AP3B1: variants seen among roughly 807,000 people sequenced by gnomAD.
AP3B1 encodes the protein adaptor related protein complex 3 subunit beta 1.
AP3B1 carries 61 observed loss-of-function variants against 132.5 expected under a neutral mutation model. That is an observed-to-expected ratio of 0.46 (90% CI 0.37 to 0.57). The LOEUF (loss-of-function observed/expected upper bound fraction) is 0.57, where lower values mean the gene tolerates loss of function less well. Among genes scored for constraint, AP3B1 ranks in the 20% least tolerant of loss-of-function variants. The pLI is 0.00. For synonymous variants in AP3B1, 388 were observed against 438.3 expected, an observed-to-expected ratio of 0.89 and a Z score of 1.43; for missense variants, 1,120 against 1,289.4, an observed-to-expected ratio of 0.87 and a Z score of 2.01.
intron 22 of AP3B1, among the ~76,000 whole-genome samples, chr5:78,046,715 T>TTA (rs1554060320): frequency 6.6e-6 from 1 of 151,876 alleles, no homozygotes; most frequent in Admixed American, 6.6e-5. Context: ...TTTTTTTTTT[T>TTA]AAAATACTTT....
At chr5:78,292,942 G>A (rs745851263) in intron 1 of AP3B1, among the ~76,000 whole-genome samples, 2 of 151,810 alleles carry the variant, frequency 1.3e-5, no homozygotes, top group Non-Finnish European at 2.9e-5. Context: ...GCTGTGGCGC[G>A]ATCTCGGCTC....
chr5:78,249,009 G>T (rs1747505212), intron 2 of AP3B1, among the ~76,000 whole-genome samples: 1 of 152,090 alleles, frequency 6.6e-6, no homozygotes, highest in African/African-American at 2.4e-5. Context: ...TTTATGCGTG[G>T]TTTTCTTTTA....
At chr5:78,273,812 A>G (rs945854864) in intron 1 of AP3B1, among the ~76,000 whole-genome samples, 7 of 152,048 alleles carry the variant, frequency 4.6e-5, no homozygotes, top group African/African-American at 1.7e-4. Context: ...AGACCTTAAA[A>G]AGTCTAAAAC....
chr5:78,103,504 A>G (rs1751210867), intron 20 of AP3B1, among the ~76,000 whole-genome samples: 1 of 152,168 alleles, frequency 6.6e-6, no homozygotes, highest in South Asian at 2.1e-4. Context: ...TCATCGACAA[A>G]CCAAACACAT....
intron 8 of AP3B1, among the ~76,000 whole-genome samples, chr5:78,178,810 G>C (rs77693428): frequency 0.014 from 2,147 of 152,084 alleles, 58 homozygotes; most frequent in African/African-American, 0.049. Context: ...GGTCTATGAA[G>C]TTTGAACAAA....
intron 7 of AP3B1, among the ~76,000 whole-genome samples, chr5:78,198,883 A>G (rs1350586636): frequency 6.6e-6 from 1 of 152,224 alleles, no homozygotes; most frequent in Non-Finnish European, 1.5e-5. Context: ...AAAACTTTTA[A>G]TTTAGTATTT....
intron 12 of AP3B1, among the ~76,000 whole-genome samples, chr5:78,165,097 G>A (rs964405498): frequency 1.3e-5 from 2 of 152,062 alleles, no homozygotes; most frequent in Admixed American, 1.3e-4. Context: ...AATGCAGCTA[G>A]GAAGAGTCTC....
At chr5:78,272,897 A>G (rs1212117894) in intron 1 of AP3B1, among the ~76,000 whole-genome samples, 1 of 152,202 alleles carries the variant, frequency 6.6e-6, no homozygotes, top group Admixed American at 6.5e-5. Context: ...ATTTAACAGG[A>G]TCATTCTGGC....
chr5:78,117,971 C>T (rs1330072652), intron 17 of AP3B1, among the ~76,000 whole-genome samples: 1 of 152,028 alleles, frequency 6.6e-6, no homozygotes, highest in Non-Finnish European at 1.5e-5. Context: ...GCTAGAGTAC[C>T]TATTTTATTG....
intron 11 of AP3B1, among the ~76,000 whole-genome samples, chr5:78,167,855 G>A (rs1284805625): frequency 6.6e-6 from 1 of 151,900 alleles, no homozygotes; most frequent in Admixed American, 6.6e-5. Flanking sequence ...CTGGACTTTG[G>A]GGGCTCAGGG....
chr5:78,257,275 A>C (rs1747885442), intron 2 of AP3B1, among the ~76,000 whole-genome samples: 1 of 152,180 alleles, frequency 6.6e-6, no homozygotes, highest in South Asian at 2.1e-4. Flanking sequence ...GAAAACCTAA[A>C]GACTCCACCA....
intron 26 of AP3B1, 171 bp from the exon 27 acceptor site, chr5:78,003,226 T>G: frequency 2.5e-6 from 2 of 792,680 alleles, no homozygotes; most frequent in Non-Finnish European, 3.9e-6. Flanking sequence ...ATCAATAAAC[T>G]GTCCAGCCCA....
chr5:78,236,631 G>A (rs893053002), intron 3 of AP3B1, among the ~76,000 whole-genome samples: 2 of 152,050 alleles, frequency 1.3e-5, no homozygotes, highest in Admixed American at 1.3e-4. Context: ...AGCCCCACAG[G>A]GTTATTTGTG....
At chr5:78,104,101 T>C (rs986756395) in intron 20 of AP3B1, among the ~76,000 whole-genome samples, 1 of 152,188 alleles carries the variant, frequency 6.6e-6, no homozygotes, top group African/African-American at 2.4e-5. Flanking sequence ...AGCCATACTG[T>C]GCTTTGAAAT....
chr5:78,014,445 G>A (rs1406952938), intron 26 of AP3B1, among the ~76,000 whole-genome samples: 1 of 152,040 alleles, frequency 6.6e-6, no homozygotes, highest in Non-Finnish European at 1.5e-5. Flanking sequence ...AAGCACATAA[G>A]AAGTTATAAC....
chr5:78,090,832 G>A (rs942958558), intron 21 of AP3B1, among the ~76,000 whole-genome samples: 1 of 152,068 alleles, frequency 6.6e-6, no homozygotes, highest in Non-Finnish European at 1.5e-5. Context: ...TATTTTTGGA[G>A]ATAGGGTCTT....
chr5:78,034,448 A>G lies in AP3B1; in HGVS notation c.2810-3T>C. The G allele has an allele frequency of 1.2e-6, 2 of 1,602,006 alleles. No homozygotes were observed. Among genetic ancestry groups the G allele is most frequent in the South Asian group, 2.2e-5 (2 of 90,792 alleles). ...GGATCCCTCAGGCTCAAGAGAGTCT[A>G]GGAAATAAGATAATTTAGACATGAA... is the stretch of plus-strand genomic sequence containing the variant. On this transcript the variant is annotated splice_region_variant and splice_polypyrimidine_tract_variant and intron_variant, in intron 23 of 26. Transcript: ENST00000255194.
rs1752791295 is a variant in AP3B1, at chr5:78,133,977, C to T, written c.1651-4670G>A. Among the ~76,000 whole-genome samples, 3 of 151,638 alleles carry T rather than the reference C, an allele frequency of 2.0e-5. No homozygotes were observed. The South Asian group carries it at 6.2e-4, about 32-fold the overall frequency. On this transcript the variant is annotated intron_variant, in intron 15 of 26. Coordinates refer to ENST00000255194, the MANE Select transcript of AP3B1 (RefSeq NM_003664.5). ...AAATTCATTATTACACAGTGAAACCCCATCTCTACTAAAAATACAAAAAAT... is the reference window on the plus strand; with the variant it reads ...AAATTCATTATTACACAGTGAAACCTCATCTCTACTAAAAATACAAAAAAT...
chr5:78,177,605 C>T (rs776896658), intron 8 of AP3B1, among the ~76,000 whole-genome samples, 169 bp from the exon 9 acceptor site: 3 of 152,092 alleles, frequency 2.0e-5, no homozygotes, highest in Non-Finnish European at 4.4e-5. Flanking sequence ...TCCCAGTGCC[C>T]AATACTATCC....
Sources: gnomAD v4.1 joint callset for allele counts (sites outside exome capture counted in the v4.1 genomes callset) on GRCh38, gnomAD v4.1.1 for gene constraint, MANE v1.5 for transcripts, NCBI Gene and HGNC (gene_info 2026-07-23, HGNC 2026-07-21) for gene names.